The following CD82 variants were observed in gnomAD, a reference collection of about 807,000 sequenced individuals.
CD82 encodes the protein CD82 antigen.
In CD82, 36 loss-of-function variants were observed where a neutral mutation model predicts 37.4. The observed-to-expected ratio is 0.96, with a 90% CI of 0.74 to 1.27. CD82 has a LOEUF of 1.27. Ranked by LOEUF, CD82 falls within the 50% of genes most tolerant of loss-of-function variation. The probability of loss-of-function intolerance (pLI) is 0.00; values close to 1 mark genes in which losing one functional copy is unlikely to be tolerated. For synonymous variants in CD82, 158 were observed against 137.4 expected, an observed-to-expected ratio of 1.15 and a Z score of -1.05; for missense variants, 340 against 347.0, an observed-to-expected ratio of 0.98 and a Z score of 0.16.
chr11:44,575,571 T>C (rs1852879527), intron 1 of CD82, among the ~76,000 whole-genome samples: 1 of 152,208 alleles, frequency 6.6e-6, no homozygotes, highest in Admixed American at 6.5e-5. Context: ...TGCTAACACG[T>C]TCCCAGGGGA....
chr11:44,592,901 G>A (rs1484237350), intron 2 of CD82, among the ~76,000 whole-genome samples: 3 of 152,156 alleles, frequency 2.0e-5, no homozygotes, highest in Non-Finnish European at 4.4e-5. Flanking sequence ...TTGCTTCCAT[G>A]CCGCTTGTGA....
intron 4 of CD82, among the ~76,000 whole-genome samples, chr11:44,600,617 C>A (rs1046540489): frequency 6.6e-6 from 1 of 152,228 alleles, no homozygotes; most frequent in African/African-American, 2.4e-5. Context: ...GAAAGATAGT[C>A]AGGGGCTGAT....
At chr11:44,608,979 A>G (rs1327163467) in intron 6 of CD82, among the ~76,000 whole-genome samples, 1 of 151,496 alleles carries the variant, frequency 6.6e-6, no homozygotes, top group Non-Finnish European at 1.5e-5. Context: ...AGTGTTTATT[A>G]TTATTGCCGC....
chr11:44,607,986 C>G (rs1362835911), intron 6 of CD82: 3 of 152,280 alleles, frequency 2.0e-5, no homozygotes, highest in East Asian at 1.9e-4. Flanking sequence ...TCCACACCCC[C>G]TAGTCCCAGC....
chr11:44,605,612 A>G (rs1481713975), intron 6 of CD82, among the ~76,000 whole-genome samples, 183 bp downstream of exon 6: 1 of 152,150 alleles, frequency 6.6e-6, no homozygotes, highest in Admixed American at 6.5e-5. Context: ...AGAAGGCGGC[A>G]GGTGTGGGCA....
intron 1 of CD82, among the ~76,000 whole-genome samples, chr11:44,580,046 G>C (rs1396827073): frequency 6.6e-6 from 1 of 152,190 alleles, no homozygotes; most frequent in Non-Finnish European, 1.5e-5. Flanking sequence ...GAAGGGAAGA[G>C]ACAGGTGAGG....
intron 3 of CD82, among the ~76,000 whole-genome samples, chr11:44,599,794 G>A (rs936498651): frequency 6.6e-6 from 1 of 152,246 alleles, no homozygotes; most frequent in Admixed American, 6.5e-5. Flanking sequence ...AGCCTTTCTT[G>A]TTTGGGAAGC....
At chr11:44,611,699 T>A (rs1853484054) in intron 6 of CD82, among the ~76,000 whole-genome samples, 1 of 152,190 alleles carries the variant, frequency 6.6e-6, no homozygotes. Context: ...AGCTACCTGG[T>A]TGCCAGGGTG....
At chr11:44,590,825 G>A (rs1431117098) in intron 2 of CD82, among the ~76,000 whole-genome samples, 2 of 152,046 alleles carry the variant, frequency 1.3e-5, no homozygotes, top group East Asian at 1.9e-4. Context: ...ATTCAACCTC[G>A]GGGGCTCCTT....
chr11:44,615,295 C>G lies in CD82; in HGVS notation c.360C>G (p.Ile120Met). ...MGKLKQEMGG[I>M]VTELIRDYNS... is the part of the protein sequence containing the mutation. ...AGCTGAAGCAGGAGATGGGCGGCAT[C>G]GTGACTGAGCTCATTCGAGACTACA... Residue 120 changes from isoleucine to methionine, a missense_variant, in exon 7 of 10, where the codon ATC (isoleucine) becomes ATG (methionine). Coordinates refer to ENST00000227155, the MANE Select transcript of CD82 (RefSeq NM_002231.4). 1 of 1,612,820 alleles carries G rather than the reference C, an allele frequency of 6.2e-7. No homozygotes were observed. The highest frequency in any genetic ancestry group is 8.5e-7 in the Non-Finnish European group (1 of 1,178,818).
chr11:44,564,625 A>G (rs1852700782), upstream of CD82: 4 of 405,644 alleles, frequency 9.9e-6, no homozygotes, highest in South Asian at 6.8e-5. Context: ...CTTTTTCTTC[A>G]GGGAGAAAGC....
intron 6 of CD82, chr11:44,606,467 CAA>C (rs386373732): frequency 3.8e-4 from 40 of 104,916 alleles, no homozygotes; most frequent in East Asian, 8.1e-4. Flanking sequence ...GACCCTGTCT[CAA>C]AAAAAAAAAA....
chr11:44,616,565 A>G (rs1375768417), intron 7 of CD82, among the ~76,000 whole-genome samples: 2 of 152,098 alleles, frequency 1.3e-5, no homozygotes, highest in African/African-American at 4.8e-5. Context: ...GGCCGGTGGT[A>G]AGTCAGACTC....
At chr11:44,605,664 C>T (rs937001776) in intron 6 of CD82, among the ~76,000 whole-genome samples, 4 of 152,214 alleles carry the variant, frequency 2.6e-5, no homozygotes, top group African/African-American at 9.6e-5. Flanking sequence ...CCCCTGCTTT[C>T]TAGCTGTGTG....
Position 44,566,804 on chromosome 11 carries a change from T to C in CD82, c.-103+1068T>C, listed in dbSNP as rs540230376. On this transcript the variant is annotated intron_variant, in intron 1 of 9. Transcript: ENST00000227155. ...CTATGGGGAATGAGCCTTTTTTTTT[T>C]CTTGGAGAGATGGGGTTGGCTACAG... is the stretch of plus-strand genomic sequence containing the variant. Among the ~76,000 whole-genome samples, 28 of 152,058 alleles carry C rather than the reference T, an allele frequency of 1.8e-4. No homozygotes were observed. In the East Asian group the frequency reaches 4.6e-3, roughly 25 times the overall value.
intron 1 of CD82, chr11:44,585,167 T>G (rs1342218755): frequency 6.4e-5 from 29 of 455,858 alleles, no homozygotes; most frequent in Non-Finnish European, 1.1e-4. Flanking sequence ...GCAGCAGTGG[T>G]CATCTTCTGG....
Position 44,580,083 on chromosome 11 carries a change from C to A in CD82, c.-102-7392C>A, listed in dbSNP as rs1324629651. ...AGAAGAACTTCAGAGAGGGCTGAGG[C>A]CCCACAGAGCCCTGCCCTGCCCTCT... On this transcript the variant is annotated intron_variant, in intron 1 of 9. Transcript: ENST00000227155. 2.0e-5 allele frequency among the ~76,000 whole-genome samples: 3 copies of A among 152,262 alleles called. No individual in the cohort carries two copies. The East Asian group carries it at 5.8e-4, about 29-fold the overall frequency.
chr11:44,579,373 G>C (rs961915301), intron 1 of CD82, among the ~76,000 whole-genome samples: 36 of 152,024 alleles, frequency 2.4e-4, no homozygotes, highest in East Asian at 1.9e-4. Flanking sequence ...TCCAGGGGTG[G>C]GTGTGGGATC....
chr11:44,603,115 G>GCT (rs2134670226), intron 4 of CD82, among the ~76,000 whole-genome samples: 2 of 152,328 alleles, frequency 1.3e-5, no homozygotes, highest in South Asian at 4.1e-4. Context: ...AACCCAGGAA[G>GCT]TTTAGGAAAA....
Sources: gnomAD v4.1 joint callset for allele counts (sites outside exome capture counted in the v4.1 genomes callset) on GRCh38, gnomAD v4.1.1 for gene constraint, MANE v1.5 for transcripts, NCBI Gene and HGNC (gene_info 2026-07-23, HGNC 2026-07-21) for gene names.